Variants in LACTB observed in about 807,000 individuals in gnomAD.
The protein encoded by LACTB is serine beta-lactamase-like protein LACTB, mitochondrial.
In LACTB, 35 loss-of-function variants were observed where a neutral mutation model predicts 50.2. That is an observed-to-expected ratio of 0.70 (90% CI 0.53 to 0.92). The LOEUF is 0.92. Among genes scored for constraint, LACTB ranks in the 40% least tolerant of loss-of-function variants. LACTB has a pLI of 0.00. For synonymous variants in LACTB, 252 were observed against 268.2 expected (o/e 0.94, Z 0.59); for missense variants, 664 against 691.8 (o/e 0.96, Z 0.45).
Position 63,142,051 on chromosome 15 carries a change from CT to C in LACTB, c.*247del. 2.6e-6 allele frequency: 1 copy of C among 389,826 alleles called. No individual in the cohort carries two copies. The highest frequency in any genetic ancestry group is 4.6e-6 in the Non-Finnish European group (1 of 216,234). The allele number at this position is 389,826 out of a possible 1,614,324, so 24.1% of individuals were successfully genotyped here. A position where few individuals can be genotyped will look rare whatever the true frequency, so the allele number is the denominator to read the frequency against. ...GTGTTAACTCTTGAAATAAAATATT[CT>C]GATAAAATATGTACTTTCTGCATGT... On this transcript the variant is annotated 3_prime_UTR_variant, in exon 6 of 6. Coordinates refer to ENST00000261893, the MANE Select transcript of LACTB (RefSeq NM_032857.5).
In LACTB at chr15:63,121,937, C is replaced by T; in HGVS notation, c.66C>T (p.Cys22=). 1 of 1,419,680 alleles carries T rather than the reference C, an allele frequency of 7.0e-7. No individual in the cohort carries two copies. Among genetic ancestry groups the T allele is most frequent in the Non-Finnish European group, 9.1e-7 (1 of 1,093,572 alleles). 87.9% of individuals were successfully genotyped at this position (1,419,680 alleles called of 1,614,324 possible). A position where few individuals can be genotyped will look rare whatever the true frequency, so the allele number is the denominator to read the frequency against. Residue 22 remains cysteine (C), a synonymous_variant, in exon 1 of 6, where the codon TGC becomes TGT. Transcript: ENST00000261893. The stretch of plus-strand genomic sequence containing the variant: ...CCCCCGGGGGCTTGGCCTCAAGCTG[C>T]GGACGACGCGGGGTCCATCAGCGCG... The part of the protein sequence containing the change: ...AAAPGGLASS[C]GRRGVHQRAG...
chr15:63,138,913 G>A (rs1187777532), intron 5 of LACTB, among the ~76,000 whole-genome samples: 1 of 151,322 alleles, frequency 6.6e-6, no homozygotes, highest in Admixed American at 6.6e-5. Context: ...TGTGCGTGGT[G>A]GTGGGCGCCT....
At chr15:63,138,954 G>C (rs1198304505) in intron 5 of LACTB, among the ~76,000 whole-genome samples, 1 of 148,524 alleles carries the variant, frequency 6.7e-6, no homozygotes, top group Non-Finnish European at 1.5e-5. Flanking sequence ...GGCTGAGGGA[G>C]AATCACTTGA....
At chr15:63,124,962 A>G (rs77107251) in intron 2 of LACTB, among the ~76,000 whole-genome samples, 35 of 9,964 alleles carry the variant, frequency 3.5e-3, no homozygotes, top group East Asian at 0.25. Flanking sequence ...AAAAAAAAAG[A>G]AAAAAAAATG....
intron 5 of LACTB, among the ~76,000 whole-genome samples, chr15:63,138,294 C>CT (rs753863700): frequency 2.4e-3 from 365 of 151,976 alleles, no homozygotes; most frequent in African/African-American, 8.5e-3. Flanking sequence ...GAGTGAGACC[C>CT]TGTCCCCCCA....
At chr15:63,122,554 G>A (rs1390491992) in intron 1 of LACTB, 82 bp from the exon 2 acceptor site, 5 of 1,104,162 alleles carry the variant, frequency 4.5e-6, no homozygotes, top group African/African-American at 1.5e-5. Flanking sequence ...CTCAGGGGGC[G>A]GGGCCTTGGA....
rs1187936152 is a variant in LACTB at position 63,126,982 on chromosome 15, TG to T, written c.550del (p.Asp184IlefsTer30). 1 of 1,613,570 alleles carries T rather than the reference TG, an allele frequency of 6.2e-7. No homozygotes were observed. The highest frequency in any genetic ancestry group is 8.5e-7 in the Non-Finnish European group (1 of 1,179,726). On this transcript the variant is annotated frameshift_variant, in exon 3 of 6. Transcript: ENST00000261893. LOFTEE classifies it high-confidence loss of function. ...ALAKLWEAGK[L>X]DLDIPVQHYV... ...GCCAAATTGTGGGAAGCAGGGAAAC[TG>T]GATCTTGATATTCCAGTACAACATT...
At chr15:63,133,916 T>G (rs1295690299) in intron 5 of LACTB, among the ~76,000 whole-genome samples, 1 of 152,228 alleles carries the variant, frequency 6.6e-6, no homozygotes, top group African/African-American at 2.4e-5. Context: ...GAAAAAGTAT[T>G]TGGAAAGCAA....
At chr15:63,123,776 T>G (rs2037010581) in intron 2 of LACTB, among the ~76,000 whole-genome samples, 1 of 152,256 alleles carries the variant, frequency 6.6e-6, no homozygotes, top group South Asian at 2.1e-4. Context: ...TATTTCTGCA[T>G]ATCAGAGACT....
intron 5 of LACTB, among the ~76,000 whole-genome samples, chr15:63,137,784 A>T (rs899690315): frequency 2.6e-5 from 4 of 152,204 alleles, no homozygotes; most frequent in African/African-American, 9.7e-5. Flanking sequence ...GTATTTTGAC[A>T]GTATAAATAT....
intron 5 of LACTB, among the ~76,000 whole-genome samples, chr15:63,135,436 A>G (rs1237715492): frequency 2.0e-5 from 3 of 152,136 alleles, no homozygotes; most frequent in African/African-American, 7.2e-5. Context: ...TGGATCTAGC[A>G]TTATATTTTA....
intron 5 of LACTB, among the ~76,000 whole-genome samples, chr15:63,132,643 C>A (rs571174832): frequency 6.6e-6 from 1 of 151,890 alleles, no homozygotes; most frequent in Non-Finnish European, 1.5e-5. Flanking sequence ...TATGGTAACA[C>A]CCCATCTCTA....
intron 5 of LACTB, among the ~76,000 whole-genome samples, chr15:63,139,199 A>G (rs1412794131): frequency 6.9e-6 from 1 of 145,932 alleles, no homozygotes; most frequent in African/African-American, 2.5e-5. Context: ...AAATCCAAAA[A>G]AAAAAAAAAA....
At chr15:63,125,059 G>A (rs1051265498) in intron 2 of LACTB, among the ~76,000 whole-genome samples, 2 of 152,166 alleles carry the variant, frequency 1.3e-5, no homozygotes, top group African/African-American at 2.4e-5. Flanking sequence ...GGTGGCGCAC[G>A]CCTGTAATCC....
At position 63,127,382 on chromosome 15, in the gene LACTB, C is replaced by T. The variant is rs2037066663; in HGVS notation, c.645C>T (p.Ser215=). ...CTGTCACAACAAGATTACTGATTTC[C>T]CATTTAAGTGGAATTCGTCATTATG... The part of the protein sequence containing the change: ...KVSVTTRLLI[S]HLSGIRHYEK... Residue 215 remains serine, a synonymous_variant, in exon 4 of 6, where the codon TCC becomes TCT. Transcript: ENST00000261893. 1 of 1,573,056 alleles carries T rather than the reference C, an allele frequency of 6.4e-7. No individual in the cohort carries two copies. Among genetic ancestry groups the T allele is most frequent in the African/African-American group, 1.4e-5 (1 of 72,534 alleles).
intron 5 of LACTB, among the ~76,000 whole-genome samples, chr15:63,135,458 A>G (rs2037167266): frequency 6.6e-6 from 1 of 152,220 alleles, no homozygotes. Context: ...TGGAAAGCAC[A>G]AGAAAAATGA....
chr15:63,133,465 C>A (rs895900386), intron 5 of LACTB, among the ~76,000 whole-genome samples: 1 of 152,002 alleles, frequency 6.6e-6, no homozygotes, highest in Non-Finnish European at 1.5e-5. Context: ...TACAAAAATT[C>A]TTTAAAAAAT....
In LACTB at chr15:63,126,420, G is replaced by A. The variant is rs570999835; in HGVS notation, c.425-439G>A. ...GCCACCCAAAGTGCTCAGATTATAG[G>A]CATGAGTCACCATGCCCGGCCCACA... On this transcript the variant is annotated intron_variant, in intron 2 of 5. Transcript: ENST00000261893. Among the ~76,000 whole-genome samples the A allele has an allele frequency of 2.3e-3, 349 of 152,306 alleles. 2 individuals carry two copies. Among genetic ancestry groups the A allele is most frequent in the African/African-American group, 8.2e-3 (339 of 41,552 alleles).
chr15:63,137,904 A>T (rs1449019983), intron 5 of LACTB, among the ~76,000 whole-genome samples: 1 of 152,248 alleles, frequency 6.6e-6, no homozygotes, highest in Non-Finnish European at 1.5e-5. Flanking sequence ...TTCAATTCAA[A>T]TGTTAATACT....
Sources: gnomAD v4.1 joint callset for allele counts (sites outside exome capture counted in the v4.1 genomes callset) on GRCh38, gnomAD v4.1.1 for gene constraint, MANE v1.5 for transcripts, NCBI Gene and HGNC (gene_info 2026-07-23, HGNC 2026-07-21) for gene names.